Variants in SIL1 observed in about 807,000 individuals in gnomAD.
The protein encoded by SIL1 is nucleotide exchange factor SIL1.
In SIL1, 40 loss-of-function variants were observed where a neutral mutation model predicts 49.1. That is an observed-to-expected ratio of 0.81 (90% CI 0.63 to 1.06). The LOEUF (loss-of-function observed/expected upper bound fraction) is 1.06, where lower values mean the gene tolerates loss of function less well. SIL1 is among the 50% of genes least tolerant of loss of function. SIL1 has a pLI of 0.00. For synonymous variants in SIL1, 253 were observed against 250.8 expected (o/e 1.01, Z -0.08); for missense variants, 500 against 572.6 (o/e 0.87, Z 1.29).
rs543611049 is a variant in SIL1 at position 138,980,299 on chromosome 5, C to T, written c.768-28415G>A. Among the ~76,000 whole-genome samples the T allele has an allele frequency of 2.0e-5, 3 of 152,302 alleles. No individual in the cohort carries two copies. In the South Asian group the frequency reaches 6.2e-4, roughly 32 times the overall value. On this transcript the variant is annotated intron_variant, in intron 7 of 9. Coordinates refer to ENST00000394817, the MANE Select transcript of SIL1 (RefSeq NM_022464.5). The stretch of plus-strand genomic sequence containing the variant: ...GCCAGGGTGCTTCATCAAAGCACCT[C>T]AGGGATCCTAGACTTGACTGCCGAG...
chr5:138,962,364 T>C (rs779533995), intron 7 of SIL1, among the ~76,000 whole-genome samples: 1 of 152,100 alleles, frequency 6.6e-6, no homozygotes, highest in Non-Finnish European at 1.5e-5. Context: ...CACTGAGTGC[T>C]GCTCTGGAGT....
intron 4 of SIL1, among the ~76,000 whole-genome samples, chr5:139,048,334 G>C (rs1769212051): frequency 1.4e-5 from 2 of 142,590 alleles, no homozygotes; most frequent in African/African-American, 2.6e-5. Context: ...TTTTGGTTTT[G>C]GTGTTTTTTT....
chr5:139,093,226 A>G (rs1770382382), intron 3 of SIL1, among the ~76,000 whole-genome samples: 1 of 152,216 alleles, frequency 6.6e-6, no homozygotes, highest in African/African-American at 2.4e-5. Context: ...TGCCACAGCA[A>G]CTAGGCCCAC....
At chr5:139,181,974 A>G (rs998697386) in intron 1 of SIL1, among the ~76,000 whole-genome samples, 1 of 152,086 alleles carries the variant, frequency 6.6e-6, no homozygotes, top group Non-Finnish European at 1.5e-5. Context: ...TGTAATACAC[A>G]GTTTTTGTTT....
At chr5:139,014,229 T>C (rs2150422518) in intron 7 of SIL1, 1 of 152,202 alleles carries the variant, frequency 6.6e-6, no homozygotes, top group Non-Finnish European at 1.5e-5. Context: ...TAGCCGGGCA[T>C]GGTGGCACAC....
chr5:139,058,334 T>TA (rs760376834), intron 3 of SIL1, among the ~76,000 whole-genome samples: 2,331 of 141,256 alleles, frequency 0.017, 50 homozygotes, highest in African/African-American at 0.054. Context: ...GTGGGTAAAC[T>TA]AAAAAAAAAA....
chr5:139,064,502 C>A (rs953224282), intron 3 of SIL1, among the ~76,000 whole-genome samples: 1 of 152,190 alleles, frequency 6.6e-6, no homozygotes, highest in African/African-American at 2.4e-5. Context: ...GGGGAGCCCA[C>A]CCTCCTTAAA....
At chr5:138,962,283 C>T (rs1394823373) in intron 7 of SIL1, among the ~76,000 whole-genome samples, 1 of 152,022 alleles carries the variant, frequency 6.6e-6, no homozygotes, top group Non-Finnish European at 1.5e-5. Flanking sequence ...GGGCTAAAAG[C>T]CAATGACCTG....
chr5:138,977,835 G>A (rs1767425817), intron 7 of SIL1, among the ~76,000 whole-genome samples: 1 of 151,910 alleles, frequency 6.6e-6, no homozygotes, highest in Admixed American at 6.6e-5. Flanking sequence ...TCACCTTCTG[G>A]CTGCTTCCTC....
In SIL1 at chr5:139,026,961, C is replaced by T. The variant is rs138300781; in HGVS notation, c.485G>A (p.Arg162His). 2.3e-5 allele frequency: 37 copies of T among 1,614,030 alleles called. No individual in the cohort carries two copies. The highest frequency in any genetic ancestry group is 1.5e-5 in the Non-Finnish European group (18 of 1,180,044). Residue 162 changes from arginine to histidine, a missense_variant, in exon 6 of 10, where the codon CGC becomes CAC. By Grantham distance (29) the Arg-to-His change is conservative. Coordinates refer to ENST00000394817, the MANE Select transcript of SIL1 (RefSeq NM_022464.5). Reference sequence around the variant, plus strand: ...GTCTTTCTTCAGTTCCTCAATGGGGCGGAAGAGCCGCTTTACCTCAGCCTG... The same window carrying T: ...GTCTTTCTTCAGTTCCTCAATGGGGTGGAAGAGCCGCTTTACCTCAGCCTG... ...ARQAEVKRLF[R>H]PIEELKKDFD...
intron 3 of SIL1, among the ~76,000 whole-genome samples, chr5:139,112,533 C>CGG (rs1770881583): frequency 6.6e-6 from 1 of 151,000 alleles, no homozygotes. Context: ...TCTGCCCGGC[C>CGG]GCCCCGTCTG....
intron 7 of SIL1, among the ~76,000 whole-genome samples, chr5:138,967,148 T>C (rs564418749): frequency 8.5e-5 from 13 of 152,300 alleles, no homozygotes; most frequent in African/African-American, 3.1e-4. Context: ...TTTCCTCCCT[T>C]GGGCCCTGCA....
At chr5:139,104,923 A>C (rs1379656817) in intron 3 of SIL1, among the ~76,000 whole-genome samples, 1 of 152,174 alleles carries the variant, frequency 6.6e-6, no homozygotes, top group African/African-American at 2.4e-5. Flanking sequence ...ACAGATACTG[A>C]AGGCCAATCC....
intron 3 of SIL1, among the ~76,000 whole-genome samples, chr5:139,055,457 C>T (rs898773402): frequency 5.9e-5 from 9 of 152,108 alleles, no homozygotes; most frequent in Non-Finnish European, 1.3e-4. Flanking sequence ...CCTTCTCACA[C>T]CTTGACTTTG....
At chr5:139,188,451 A>G (rs1265993625) in intron 1 of SIL1, among the ~76,000 whole-genome samples, 1 of 152,188 alleles carries the variant, frequency 6.6e-6, no homozygotes, top group East Asian at 1.9e-4. Flanking sequence ...TGTTTCATAC[A>G]GAGAAGTGAG....
chr5:139,119,333 G>A (rs1254727008), intron 3 of SIL1, among the ~76,000 whole-genome samples: 2 of 152,116 alleles, frequency 1.3e-5, no homozygotes, highest in African/African-American at 2.4e-5. Flanking sequence ...CATCAACATC[G>A]TTCAGTCTGC....
intron 3 of SIL1, among the ~76,000 whole-genome samples, chr5:139,086,367 T>C (rs914961087): frequency 6.6e-6 from 1 of 151,834 alleles, no homozygotes; most frequent in Non-Finnish European, 1.5e-5. Context: ...TTTTATTTTA[T>C]TATTATTAGT....
chr5:139,155,841 C>CT (rs34978590), intron 1 of SIL1, among the ~76,000 whole-genome samples: 59,886 of 148,576 alleles, frequency 0.4, 12,842 homozygotes, highest in South Asian at 0.52. Flanking sequence ...CAAATAAACT[C>CT]TTTTTTTTTT....
intron 1 of SIL1, among the ~76,000 whole-genome samples, chr5:139,180,732 G>C (rs1751968878): frequency 6.6e-6 from 1 of 152,170 alleles, no homozygotes; most frequent in Non-Finnish European, 1.5e-5. Flanking sequence ...CCACAGTGAT[G>C]AAGTCTCTGC....
Sources: gnomAD v4.1 joint callset for allele counts (sites outside exome capture counted in the v4.1 genomes callset) on GRCh38, gnomAD v4.1.1 for gene constraint, MANE v1.5 for transcripts, NCBI Gene and HGNC (gene_info 2026-07-23, HGNC 2026-07-21) for gene names.